MRC1: variants seen among roughly 807,000 people sequenced by gnomAD.
The protein encoded by MRC1 is macrophage mannose receptor 1.
In MRC1, 62 loss-of-function variants were observed where a neutral mutation model predicts 102.9. The observed-to-expected ratio is 0.60, with a 90% CI of 0.49 to 0.74. The LOEUF (loss-of-function observed/expected upper bound fraction) is 0.74, where lower values mean the gene tolerates loss of function less well. MRC1 is among the 30% of genes least tolerant of loss of function. The pLI is 0.00. For synonymous variants in MRC1, 457 were observed against 298.4 expected, an observed-to-expected ratio of 1.53 and a Z score of -5.48; for missense variants, 1,237 against 862.8, an observed-to-expected ratio of 1.43 and a Z score of -5.43.
chr10:17,869,684 A>T (rs1833327217), intron 12 of MRC1, among the ~76,000 whole-genome samples: 1 of 152,186 alleles, frequency 6.6e-6, no homozygotes, highest in African/African-American at 2.4e-5. Context: ...CTGTGTTTGC[A>T]TGTGCTTCAG....
At chr10:17,845,766 G>C (rs1350488020) in intron 6 of MRC1, among the ~76,000 whole-genome samples, 1 of 152,100 alleles carries the variant, frequency 6.6e-6, no homozygotes, top group African/African-American at 2.4e-5. Context: ...TGGCAAAACC[G>C]GAATCCAAGC....
In MRC1 at chr10:17,838,577, A is replaced by T. The variant is rs1435766244; in HGVS notation, c.803-2116A>T. Among the ~76,000 whole-genome samples, 3 of 152,100 alleles carry T rather than the reference A, an allele frequency of 2.0e-5. No individual in the cohort carries two copies. In the East Asian group the frequency reaches 5.8e-4, roughly 29 times the overall value. On this transcript the variant is annotated intron_variant, in intron 4 of 29. Coordinates refer to ENST00000569591, the MANE Select transcript of MRC1 (RefSeq NM_002438.4). ...CAATTAAAAAAAAAAAAAGAAAGTA[A>T]AAAAAACAGTGTAATATTGGACATT... is the stretch of plus-strand genomic sequence containing the variant.
rs922406253 is a variant in MRC1, at chr10:17,894,285, C to A, written c.3223C>A (p.Arg1075=). 8.6e-5 allele frequency: 75 copies of A among 871,564 alleles called. No individual in the cohort carries two copies. In the African/African-American group the frequency reaches 1.2e-3, roughly 14 times the overall value. The allele number at this position is 871,564 out of a possible 1,614,324, so 54.0% of individuals were successfully genotyped here. A position where few individuals can be genotyped will look rare whatever the true frequency, so the allele number is the denominator to read the frequency against. Residue 1075 remains arginine (R), a synonymous_variant, in exon 23 of 30, where the codon CGA becomes AGA. Transcript: ENST00000569591. ...GATGGATGATACCTGCGACAGTAAA[C>A]GAGGCTACATATGCCAGACACGATC... The part of the protein sequence containing the change: ...KWMDDTCDSK[R]GYICQTRSDP...
At chr10:17,823,805 T>C (rs1011665536) in intron 2 of MRC1, among the ~76,000 whole-genome samples, 104 of 152,372 alleles carry the variant, frequency 6.8e-4, no homozygotes, top group Admixed American at 1.6e-3. Context: ...GCCTCCTAGT[T>C]AACATTATAA....
intron 10 of MRC1, chr10:17,863,126 T>G (rs1833208923): frequency 5.3e-6 from 1 of 190,360 alleles, no homozygotes; most frequent in Non-Finnish European, 1.1e-5. Context: ...ATAATGTTAT[T>G]AACCTTGAAC....
chr10:17,890,991 A>C (rs2130704858), intron 22 of MRC1, among the ~76,000 whole-genome samples: 2 of 151,888 alleles, frequency 1.3e-5, no homozygotes, highest in South Asian at 4.2e-4. Context: ...CGTGGGATCT[A>C]GGTTGCACGC....
At chr10:17,848,177 A>G (rs1026419216) in intron 6 of MRC1, among the ~76,000 whole-genome samples, 13 of 152,184 alleles carry the variant, frequency 8.5e-5, no homozygotes, top group Admixed American at 5.2e-4. Flanking sequence ...TAACGAACAT[A>G]TACTAAGACA....
Position 17,898,050 on chromosome 10 carries a change from T to C in MRC1, c.3267T>C (p.Asn1089=). The C allele has an allele frequency of 1.3e-6, 1 of 780,858 alleles. No homozygotes were observed. The highest frequency in any genetic ancestry group is 1.3e-5 in the South Asian group (1 of 74,618). 48.4% of individuals were successfully genotyped at this position (780,858 alleles called of 1,614,324 possible). A position where few individuals can be genotyped will look rare whatever the true frequency, so the allele number is the denominator to read the frequency against. The part of the protein sequence containing the change: ...CQTRSDPSLT[N]PPATIQTDGF... ...TTTATCTAGACCCTTCCTTGACTAA[T>C]CCTCCAGCAACGATTCAAACAGATG... The change falls in exon 24 of 30, where the codon AAT becomes AAC. Residue 1089 remains asparagine (N), a synonymous_variant. Coordinates refer to ENST00000569591, the MANE Select transcript of MRC1 (RefSeq NM_002438.4).
chr10:17,906,805 C>T, intron 26 of MRC1, 81 bp from the exon 27 acceptor site: 1 of 779,096 alleles, frequency 1.3e-6, no homozygotes. Context: ...TTTTGTTGCT[C>T]TCAATAGCAG....
intron 2 of MRC1, 148 bp from the exon 3 acceptor site, chr10:17,827,394 A>T (rs1838495603): frequency 1.2e-5 from 5 of 410,278 alleles, no homozygotes; most frequent in Non-Finnish European, 1.7e-5. Flanking sequence ...AAAAAAAAAA[A>T]AAAAAAAAAA....
At chr10:17,861,528 TA>T (rs1833184036) in intron 10 of MRC1, 26 bp downstream of exon 10, 6 of 852,368 alleles carry the variant, frequency 7.0e-6, no homozygotes, top group African/African-American at 3.3e-5. Context: ...AATTTCATTT[TA>T]AAATATGTCA....
intron 4 of MRC1, among the ~76,000 whole-genome samples, chr10:17,838,460 C>A (rs1472632998): frequency 1.3e-5 from 2 of 151,410 alleles, no homozygotes; most frequent in African/African-American, 4.9e-5. Flanking sequence ...ATTTACAGAA[C>A]TGAAATAAGA....
At chr10:17,827,163 G>C (rs922693696) in intron 2 of MRC1, among the ~76,000 whole-genome samples, 6 of 151,836 alleles carry the variant, frequency 4.0e-5, no homozygotes, top group Non-Finnish European at 8.8e-5. Flanking sequence ...ACTTTAACTA[G>C]TATCACTTCA....
At chr10:17,875,281 T>C in intron 17 of MRC1, 28 bp downstream of exon 17, 2 of 778,534 alleles carry the variant, frequency 2.6e-6, no homozygotes, top group South Asian at 2.7e-5. Flanking sequence ...TTTTTAAAAT[T>C]TTAATAGTTT....
At chr10:17,864,693 G>C (rs1422248123) in intron 11 of MRC1, among the ~76,000 whole-genome samples, 2 of 152,066 alleles carry the variant, frequency 1.3e-5, no homozygotes, top group East Asian at 3.9e-4. Flanking sequence ...GCCAAGTGCA[G>C]TGGTGCGTGC....
intron 21 of MRC1, among the ~76,000 whole-genome samples, chr10:17,882,374 A>ATTGT (rs1320553734): frequency 6.5e-4 from 99 of 152,292 alleles, no homozygotes; most frequent in African/African-American, 2.3e-3. Context: ...TTAGGGGGCC[A>ATTGT]TTGTTACAGA....
intron 1 of MRC1, among the ~76,000 whole-genome samples, chr10:17,821,445 G>A (rs560799177): frequency 4.6e-5 from 7 of 152,216 alleles, no homozygotes; most frequent in Non-Finnish European, 8.8e-5. Context: ...GTGTCAACAT[G>A]GCTGGGTCTT....
intron 1 of MRC1, among the ~76,000 whole-genome samples, chr10:17,819,933 A>G (rs1838370952): frequency 6.6e-6 from 1 of 152,224 alleles, no homozygotes; most frequent in African/African-American, 2.4e-5. Context: ...CGACAGAGCA[A>G]GATCCTGTCT....
chr10:17,828,327 C>T (rs1260493781), intron 3 of MRC1, among the ~76,000 whole-genome samples: 1 of 151,470 alleles, frequency 6.6e-6, no homozygotes, highest in Non-Finnish European at 1.5e-5. Context: ...CCGCCCACCT[C>T]GCCTCCCAAA....
Sources: allele counts gnomAD v4.1 joint callset (sites outside exome capture counted in the v4.1 genomes callset), GRCh38; gene constraint gnomAD v4.1.1; transcripts MANE v1.5; gene names NCBI Gene and HGNC (gene_info 2026-07-23, HGNC 2026-07-21).